Variants in COG6 observed in about 807,000 individuals in gnomAD.
COG6 encodes component of oligomeric golgi complex 6, also known as conserved oligomeric Golgi complex subunit 6.
COG6 carries 74 observed loss-of-function variants against 88.8 expected under a neutral mutation model. The observed-to-expected ratio is 0.83, with a 90% confidence interval of 0.69 to 1.01. The LOEUF (loss-of-function observed/expected upper bound fraction) is 1.01, where lower values mean the gene tolerates loss of function less well. COG6 is among the 50% of genes least tolerant of loss of function. The probability of loss-of-function intolerance (pLI) is 0.00; values close to 1 mark genes in which losing one functional copy is unlikely to be tolerated. For synonymous variants in COG6, 286 were observed against 278.7 expected, an observed-to-expected ratio of 1.03 and a Z score of -0.26; for missense variants, 800 against 797.9, an observed-to-expected ratio of 1.00 and a Z score of -0.03.
intron 4 of COG6, among the ~76,000 whole-genome samples, chr13:39,673,509 T>G (rs1285269989): frequency 6.6e-6 from 1 of 151,960 alleles, no homozygotes; most frequent in African/African-American, 2.4e-5. Flanking sequence ...TTTTTTTCTA[T>G]TTTAGAACCA....
intron 12 of COG6, among the ~76,000 whole-genome samples, chr13:39,695,195 T>G (rs909977058): frequency 1.3e-5 from 2 of 151,770 alleles, no homozygotes; most frequent in Non-Finnish European, 2.9e-5. Flanking sequence ...TGGATGTAAA[T>G]AACCTAAATT....
chr13:39,769,144 T>C (rs141288676), intron 18 of COG6, among the ~76,000 whole-genome samples: 53 of 152,284 alleles, frequency 3.5e-4, no homozygotes, highest in East Asian at 1.4e-3. Flanking sequence ...GGAGCTTTTC[T>C]AAAGTCTTTT....
chr13:39,753,031 C>T (rs1880718046), downstream of COG6, among the ~76,000 whole-genome samples: 2 of 152,150 alleles, frequency 1.3e-5, no homozygotes, highest in Non-Finnish European at 2.9e-5. Context: ...AAAAAGATGA[C>T]ACAAATGGAC....
chr13:39,716,341 A>G (rs1593447056), intron 13 of COG6, among the ~76,000 whole-genome samples: 1 of 152,074 alleles, frequency 6.6e-6, no homozygotes, highest in African/African-American at 2.4e-5. Context: ...ATTGTTTGCA[A>G]CGTATATCTT....
chr13:39,789,718 C>T (rs1341172057), exon 19 of COG6: 1 of 152,238 alleles, frequency 6.6e-6, no homozygotes, highest in Non-Finnish European at 1.5e-5. Flanking sequence ...TGTGGTCTAA[C>T]CTAGCCAATA....
At chr13:39,656,344 G>A (rs1161170171) in intron 1 of COG6, 2 of 357,008 alleles carry the variant, frequency 5.6e-6, no homozygotes, top group Non-Finnish European at 1.1e-5. Context: ...CCACGGACAA[G>A]TGACAACAAT....
chr13:39,679,580 G>A lies in COG6; in HGVS notation c.583G>A (p.Asp195Asn), dbSNP rs1381519758. The A allele has an allele frequency of 6.2e-7, 1 of 1,606,650 alleles. No homozygotes were observed. The highest frequency in any genetic ancestry group is 1.1e-5 in the South Asian group (1 of 90,900). The change falls in exon 6 of 19, where the codon GAT becomes AAT. Residue 195 changes from aspartate to asparagine, a missense_variant. Transcript: ENST00000455146. ...GGGAAGAGTAAAACAGATTCATAAT[G>A]ATGTCAAAGTTCTCTTGCGTACAAA... ...ALGRVKQIHN[D>N]VKVLLRTNQQ...
At chr13:39,777,968 C>A (rs1417758399) in intron 18 of COG6, among the ~76,000 whole-genome samples, 3 of 152,124 alleles carry the variant, frequency 2.0e-5, no homozygotes, top group South Asian at 2.1e-4. Flanking sequence ...AAGCCCAGTG[C>A]CATGGGCATT....
At chr13:39,754,321 A>G (rs1359510684), downstream of COG6, among the ~76,000 whole-genome samples, 1 of 152,212 alleles carries the variant, frequency 6.6e-6, no homozygotes, top group Non-Finnish European at 1.5e-5. Flanking sequence ...GGAGTACAGC[A>G]GTGAGAAAAT....
chr13:39,772,801 C>G (rs935925196), intron 18 of COG6, among the ~76,000 whole-genome samples: 3 of 152,218 alleles, frequency 2.0e-5, no homozygotes, highest in Non-Finnish European at 4.4e-5. Flanking sequence ...TCTCCTGCCC[C>G]CATTGAGGAA....
rs1049349785 is a variant in COG6, at chr13:39,752,262, A to G, written c.*1169A>G. On this transcript the variant is annotated 3_prime_UTR_variant, in exon 19 of 19. Transcript: ENST00000455146. ...CTAGTTTGAAATATTTTGAAAAGTA[A>G]TAACATAAAACTAGTATTTGTAGAA... 105 of 957,724 alleles carry G rather than the reference A, an allele frequency of 1.1e-4. No individual in the cohort carries two copies. Among genetic ancestry groups the G allele is most frequent in the Non-Finnish European group, 1.3e-4 (97 of 730,716 alleles). 59.3% of individuals were successfully genotyped at this position (957,724 alleles called of 1,614,324 possible).
Position 39,751,151 on chromosome 13 carries a change from T to C in COG6, c.*58T>C. 1.3e-6 allele frequency: 2 copies of C among 1,597,640 alleles called. No individual in the cohort carries two copies. Among genetic ancestry groups the C allele is most frequent in the Non-Finnish European group, 1.7e-6 (2 of 1,170,554 alleles). ...CCTCCCTAAAACACTGAAGGTTATT[T>C]TTTATTCTTTGAATTTTTACTCTAT... On this transcript the variant is annotated 3_prime_UTR_variant, in exon 19 of 19. Transcript: ENST00000455146.
intron 1 of COG6, chr13:39,656,232 G>C: frequency 2.0e-6 from 1 of 491,928 alleles, no homozygotes; most frequent in African/African-American, 1.9e-5. Context: ...GAGAGCACAA[G>C]ACTGGATATG....
At chr13:39,658,786 G>T (rs1405995206) in intron 1 of COG6, among the ~76,000 whole-genome samples, 1 of 152,104 alleles carries the variant, frequency 6.6e-6, no homozygotes, top group African/African-American at 2.4e-5. Flanking sequence ...CCTCAGAGAG[G>T]CCTTCCCCTT....
intron 18 of COG6, among the ~76,000 whole-genome samples, chr13:39,748,505 C>T (rs1348865562): frequency 6.6e-6 from 1 of 151,998 alleles, no homozygotes; most frequent in Non-Finnish European, 1.5e-5. Context: ...ATCCCAGCTA[C>T]TCGGGAGGCT....
chr13:39,705,325 A>T (rs1187150902), intron 13 of COG6, among the ~76,000 whole-genome samples: 4 of 152,156 alleles, frequency 2.6e-5, no homozygotes, highest in African/African-American at 4.8e-5. Context: ...GAGAAAAAGG[A>T]AATTCAAGGA....
intron 13 of COG6, among the ~76,000 whole-genome samples, chr13:39,707,644 A>G (rs1240212441): frequency 1.3e-5 from 2 of 152,136 alleles, no homozygotes; most frequent in Non-Finnish European, 2.9e-5. Flanking sequence ...TATTAACTTC[A>G]TGTAAATAGA....
At chr13:39,689,198 A>G (rs1374354852) in intron 10 of COG6, among the ~76,000 whole-genome samples, 1 of 152,210 alleles carries the variant, frequency 6.6e-6, no homozygotes, top group Admixed American at 6.5e-5. Flanking sequence ...TACATGAATG[A>G]CTTCAATCTT....
intron 18 of COG6, among the ~76,000 whole-genome samples, chr13:39,740,490 A>G (rs1030140659): frequency 6.6e-6 from 1 of 152,230 alleles, no homozygotes; most frequent in African/African-American, 2.4e-5. Flanking sequence ...AATCAAGGTC[A>G]AAAAATTTGT....
Sources: allele counts gnomAD v4.1 joint callset (sites outside exome capture counted in the v4.1 genomes callset), GRCh38; gene constraint gnomAD v4.1.1; transcripts MANE v1.5; gene names NCBI Gene and HGNC (gene_info 2026-07-23, HGNC 2026-07-21).